The following HLCS variants were observed in gnomAD, a reference collection of about 807,000 sequenced individuals.
HLCS encodes holocarboxylase synthetase.
Under a neutral mutation model 75.0 loss-of-function variants are expected in HLCS, and 53 were observed. That is an observed-to-expected ratio of 0.71 (90% CI 0.57 to 0.89). The LOEUF (loss-of-function observed/expected upper bound fraction) is 0.89. HLCS is among the 40% of genes least tolerant of loss of function. HLCS has a pLI of 0.00. For missense variants in HLCS, 966 were observed against 1,074.0 expected (o/e 0.90, Z 1.41); for synonymous variants, 431 against 428.6 (o/e 1.01, Z -0.07).
intron 6 of HLCS, among the ~76,000 whole-genome samples, chr21:36,822,411 C>T (rs1014671476): frequency 3.3e-5 from 5 of 151,814 alleles, no homozygotes; most frequent in Admixed American, 6.6e-5. Flanking sequence ...GCCTGGGTGA[C>T]GGAGCAAGAC....
chr21:36,888,150 C>T (rs2064552042), intron 6 of HLCS, among the ~76,000 whole-genome samples: 1 of 151,966 alleles, frequency 6.6e-6, no homozygotes, highest in African/African-American at 2.4e-5. Context: ...CTATTAGGAT[C>T]CGGCTGTTTC....
intron 6 of HLCS, among the ~76,000 whole-genome samples, chr21:36,892,220 G>A (rs2064816310): frequency 6.6e-6 from 1 of 152,202 alleles, no homozygotes; most frequent in South Asian, 2.1e-4. Context: ...CAGCAAGCGG[G>A]TTTTGGAAGC....
chr21:36,914,860 C>T (rs1042827704), intron 5 of HLCS, among the ~76,000 whole-genome samples: 5 of 152,208 alleles, frequency 3.3e-5, no homozygotes, highest in African/African-American at 1.2e-4. Context: ...TAAGCCTGCC[C>T]AAGGAAAACG....
chr21:36,866,475 AGTTC>A (rs1416107534), intron 6 of HLCS, among the ~76,000 whole-genome samples: 2 of 152,226 alleles, frequency 1.3e-5, no homozygotes, highest in Non-Finnish European at 2.9e-5. Flanking sequence ...GATTTCTGCA[AGTTC>A]AAACTTAAAA....
At chr21:36,873,075 A>G (rs1319934277) in intron 6 of HLCS, among the ~76,000 whole-genome samples, 1 of 151,830 alleles carries the variant, frequency 6.6e-6, no homozygotes, top group African/African-American at 2.4e-5. Context: ...CTGAAAACAG[A>G]TATTGTTAAG....
At chr21:36,965,531 C>T (rs1442387896) in intron 1 of HLCS, among the ~76,000 whole-genome samples, 1 of 152,020 alleles carries the variant, frequency 6.6e-6, no homozygotes, top group East Asian at 1.9e-4. Flanking sequence ...ACGTAACCAC[C>T]ATCCTAAGCA....
intron 6 of HLCS, among the ~76,000 whole-genome samples, chr21:36,859,501 AGAG>A (rs1316648730): frequency 6.6e-6 from 1 of 152,192 alleles, no homozygotes; most frequent in Non-Finnish European, 1.5e-5. Context: ...AGGGTCCACA[AGAG>A]GAGAGGGGAG....
intron 6 of HLCS, among the ~76,000 whole-genome samples, chr21:36,830,299 T>A (rs1327612398): frequency 6.6e-6 from 1 of 152,220 alleles, no homozygotes; most frequent in Admixed American, 6.5e-5. Context: ...GCTGTGGTAC[T>A]TTGTCCCAGC....
rs138307565 is a variant in HLCS, at chr21:36,760,801, A to G, written c.2122-960T>C. On this transcript the variant is annotated intron_variant, in intron 8 of 10. Coordinates refer to ENST00000674895, the MANE Select transcript of HLCS (RefSeq NM_001352514.2). ...CTGTCATCAGCTTACAGAATGGACC[A>G]ACACTGGACAGTGTCTCGAACAAGG... 2.7e-4 allele frequency among the ~76,000 whole-genome samples: 41 copies of G among 152,282 alleles called. 2 individuals carry two copies. In the East Asian group the frequency reaches 7.2e-3, roughly 27 times the overall value.
chr21:36,990,124 C>A, intron 1 of HLCS: 1 of 152,678 alleles, frequency 6.5e-6, no homozygotes, highest in South Asian at 2.0e-4. Context: ...GGCGAACGCC[C>A]ACCCCTGTCC....
At chr21:36,912,147 G>A (rs1263206679) in intron 5 of HLCS, among the ~76,000 whole-genome samples, 1 of 151,190 alleles carries the variant, frequency 6.6e-6, no homozygotes, top group African/African-American at 2.4e-5. Context: ...AAACCCAAAA[G>A]AACTGACAGC....
chr21:36,891,581 T>C (rs540848650), intron 6 of HLCS, among the ~76,000 whole-genome samples: 28 of 152,252 alleles, frequency 1.8e-4, no homozygotes, highest in African/African-American at 6.0e-4. Context: ...AGCAAAACCT[T>C]TGATCGAGTC....
chr21:36,815,717 A>C (rs1039227218), intron 6 of HLCS, among the ~76,000 whole-genome samples: 11 of 152,156 alleles, frequency 7.2e-5, no homozygotes, highest in Non-Finnish European at 1.5e-4. Flanking sequence ...ATACACACCA[A>C]AACAGGCACT....
intron 6 of HLCS, among the ~76,000 whole-genome samples, chr21:36,801,792 T>C (rs2061209349): frequency 6.6e-6 from 1 of 152,018 alleles, no homozygotes; most frequent in Admixed American, 6.5e-5. Flanking sequence ...CTTTTTTTTT[T>C]TTAAATTTTT....
intron 6 of HLCS, among the ~76,000 whole-genome samples, chr21:36,831,895 A>G (rs2062224325): frequency 6.6e-6 from 1 of 152,138 alleles, no homozygotes; most frequent in South Asian, 2.1e-4. Context: ...TTCGCTAGAA[A>G]TGCTCCCTAA....
chr21:36,957,756 C>T (rs934712248), intron 2 of HLCS, among the ~76,000 whole-genome samples: 2 of 149,802 alleles, frequency 1.3e-5, no homozygotes, highest in East Asian at 2.0e-4. Flanking sequence ...GGTGAAACCC[C>T]GTCTCCACTA....
chr21:36,970,971 GCGACAGAGCAAGACTCCAT>G (rs2068771034), upstream of HLCS, among the ~76,000 whole-genome samples: 1 of 149,554 alleles, frequency 6.7e-6, no homozygotes, highest in Admixed American at 6.7e-5. Flanking sequence ...TCCAGCCTGG[GCGACAGAGCAAGACTCCAT>G]CTCAAAAAAA....
chr21:36,966,648 G>A lies in HLCS; in HGVS notation c.-10C>T, dbSNP rs2068606693. 1.0e-6 allele frequency: 1 copy of A among 977,762 alleles called. No homozygotes were observed. Among genetic ancestry groups the A allele is most frequent in the South Asian group, 4.7e-5 (1 of 21,260 alleles). The allele number at this position is 977,762 out of a possible 1,614,324, so 60.6% of individuals were successfully genotyped here. ...ACAGCGTGATGAGCATGGCCGCGCC[G>A]CCGGCAGGGCGAGCCCGCCTTGCCC... On this transcript the variant is annotated 5_prime_UTR_variant, in exon 1 of 11. Transcript: ENST00000674895.
intron 5 of HLCS, among the ~76,000 whole-genome samples, chr21:36,903,663 A>C (rs945043439): frequency 1.3e-5 from 2 of 152,222 alleles, no homozygotes; most frequent in Non-Finnish European, 2.9e-5. Flanking sequence ...TTATCCTCTA[A>C]AGTGAATCAT....
Sources: gnomAD v4.1 joint callset for allele counts (sites outside exome capture counted in the v4.1 genomes callset) on GRCh38, gnomAD v4.1.1 for gene constraint, MANE v1.5 for transcripts, NCBI Gene and HGNC (gene_info 2026-07-23, HGNC 2026-07-21) for gene names.